The following THUMPD2 variants were observed in gnomAD, a reference collection of about 807,000 sequenced individuals.
THUMPD2 encodes U6 snRNA (guanine-N(2))-methyltransferase THUMPD2.
In THUMPD2, 56 loss-of-function variants were observed where a neutral mutation model predicts 49.4. That is an observed-to-expected ratio of 1.13 (90% CI 0.91 to 1.41). The LOEUF is 1.41. THUMPD2 is among the 40% of genes most tolerant of loss of function. THUMPD2 has a pLI of 0.00. For synonymous variants in THUMPD2, 237 were observed against 205.2 expected (o/e 1.15, Z -1.32); for missense variants, 709 against 594.5 (o/e 1.19, Z -2.00).
intron 9 of THUMPD2, 86 bp downstream of exon 9, chr2:39,744,284 A>G: frequency 5.9e-6 from 4 of 682,594 alleles, no homozygotes; most frequent in Non-Finnish European, 9.2e-6. Flanking sequence ...CTAAAAAGCA[A>G]TCAGACCTTA....
At chr2:39,762,979 C>A (rs993388762) in intron 5 of THUMPD2, among the ~76,000 whole-genome samples, 1 of 151,846 alleles carries the variant, frequency 6.6e-6, no homozygotes, top group African/African-American at 2.4e-5. Context: ...TTTGCTTAAA[C>A]CTGGGCAAAA....
At chr2:39,765,235 T>C (rs1262640641) in intron 5 of THUMPD2, among the ~76,000 whole-genome samples, 2 of 152,154 alleles carry the variant, frequency 1.3e-5, no homozygotes, top group African/African-American at 2.4e-5. Context: ...TTCTGGCTCA[T>C]GGCCACCTCC....
At chr2:39,738,486 C>T (rs1454919408) in intron 9 of THUMPD2, among the ~76,000 whole-genome samples, 1 of 151,928 alleles carries the variant, frequency 6.6e-6, no homozygotes, top group African/African-American at 2.4e-5. Flanking sequence ...ACTGCTTGAG[C>T]CCAGGGGGCA....
chr2:39,778,580 A>G (rs1235816135), intron 1 of THUMPD2, among the ~76,000 whole-genome samples: 1 of 152,238 alleles, frequency 6.6e-6, no homozygotes, highest in East Asian at 1.9e-4. Context: ...TGTTCATTTC[A>G]CAGAAATCAA....
In THUMPD2 at chr2:39,766,983, A is replaced by G. The variant is rs531704797; in HGVS notation, c.751-874T>C. 2.6e-5 allele frequency among the ~76,000 whole-genome samples: 4 copies of G among 152,338 alleles called. No homozygotes were observed. In the South Asian group the frequency reaches 8.3e-4, roughly 32 times the overall value. On this transcript the variant is annotated intron_variant, in intron 4 of 9. Transcript: ENST00000505747. ...TTTCTATTGACAATTTATTCTAAAGATACGACATGTTCATATATCAAATGT... is the reference window on the plus strand; with the variant it reads ...TTTCTATTGACAATTTATTCTAAAGGTACGACATGTTCATATATCAAATGT...
chr2:39,737,843 G>A (rs1262273575), intron 9 of THUMPD2, among the ~76,000 whole-genome samples: 2 of 152,198 alleles, frequency 1.3e-5, no homozygotes. Context: ...AAGCAGCAAA[G>A]ACGGGAGGAA....
intron 1 of THUMPD2, among the ~76,000 whole-genome samples, chr2:39,775,401 G>C (rs563912229): frequency 1.3e-5 from 2 of 152,280 alleles, no homozygotes; most frequent in African/African-American, 4.8e-5. Context: ...TACGTGATGG[G>C]TTAAGGTGTT....
intron 6 of THUMPD2, among the ~76,000 whole-genome samples, chr2:39,760,797 C>T (rs920827269): frequency 2.6e-5 from 4 of 152,122 alleles, no homozygotes; most frequent in African/African-American, 9.7e-5. Flanking sequence ...TATTGATAGT[C>T]ATGAACATGT....
chr2:39,765,192 C>CTCTG (rs536682746), intron 5 of THUMPD2, among the ~76,000 whole-genome samples: 169 of 152,236 alleles, frequency 1.1e-3, no homozygotes, highest in South Asian at 5.4e-3. Context: ...CAGAGTCTCA[C>CTCTG]TCTGTCACCC....
At chr2:39,755,194 G>A in intron 8 of THUMPD2, 101 bp downstream of exon 8, 1 of 760,872 alleles carries the variant, frequency 1.3e-6, no homozygotes, top group South Asian at 2.1e-5. Flanking sequence ...ATATTAAAGG[G>A]TAAAACCAAC....
intron 7 of THUMPD2, 31 bp downstream of exon 7, chr2:39,755,858 A>G: frequency 6.3e-7 from 1 of 1,595,498 alleles, no homozygotes; most frequent in Non-Finnish European, 8.6e-7. Flanking sequence ...AAGTAGATAA[A>G]TTGCTTGCTT....
chr2:39,777,825 T>A (rs1679316649), intron 1 of THUMPD2, among the ~76,000 whole-genome samples: 1 of 152,204 alleles, frequency 6.6e-6, no homozygotes, highest in African/African-American at 2.4e-5. Context: ...CCCCATTTCA[T>A]TTGTCTTTAG....
intron 9 of THUMPD2, among the ~76,000 whole-genome samples, chr2:39,739,490 T>C (rs914134834): frequency 6.6e-6 from 1 of 152,222 alleles, no homozygotes; most frequent in Admixed American, 6.5e-5. Context: ...CAAAACATTT[T>C]GTTTTATGTC....
chr2:39,753,275 G>C (rs1459048434), intron 8 of THUMPD2, among the ~76,000 whole-genome samples: 1 of 152,130 alleles, frequency 6.6e-6, no homozygotes, highest in Non-Finnish European at 1.5e-5. Context: ...GACTTCTGCA[G>C]TCACCAGGCC....
intron 5 of THUMPD2, 22 bp downstream of exon 5, chr2:39,766,035 A>C: frequency 6.4e-7 from 1 of 1,564,274 alleles, no homozygotes; most frequent in Non-Finnish European, 8.6e-7. Context: ...TATGGGACAA[A>C]CCGGAAGCTT....
At chr2:39,753,433 C>G (rs368156757) in intron 8 of THUMPD2, among the ~76,000 whole-genome samples, 8 of 152,222 alleles carry the variant, frequency 5.3e-5, no homozygotes, top group African/African-American at 1.9e-4. Flanking sequence ...GGTTCAGTCC[C>G]CTTTCCCTTC....
At position 39,745,415 on chromosome 2, in the gene THUMPD2, A is replaced by G. The variant is rs138277646; in HGVS notation, c.1079-937T>C. Among the ~76,000 whole-genome samples, 360 of 152,284 alleles carry G rather than the reference A, an allele frequency of 2.4e-3. 2 individuals carry two copies. The highest frequency in any genetic ancestry group is 8.4e-3 in the African/African-American group (347 of 41,548). On this transcript the variant is annotated intron_variant, in intron 8 of 9. Coordinates refer to ENST00000505747, the MANE Select transcript of THUMPD2 (RefSeq NM_025264.5). ...AGTAGATTGTTCGAAAAAAAGAAGG[A>G]TAATATTCTTTTAAGCTGAGACAGG...
At chr2:39,769,111 T>C (rs919912406) in intron 3 of THUMPD2, 18 of 1,302,536 alleles carry the variant, frequency 1.4e-5, no homozygotes, top group Non-Finnish European at 1.7e-5. Flanking sequence ...GAGTAGCCAC[T>C]GAATAAGCAC....
At position 39,736,546 on chromosome 2, in the gene THUMPD2, C is replaced by A; in HGVS notation, c.*189G>T. 4.4e-6 allele frequency: 2 copies of A among 454,904 alleles called. No homozygotes were observed. The highest frequency in any genetic ancestry group is 3.3e-5 in the East Asian group (1 of 30,582). 28.2% of individuals were successfully genotyped at this position (454,904 alleles called of 1,614,324 possible). ...TATTCGATAACTTTTTTCTCAAAAA[C>A]ATTAAGTACTTTAGAATATAAAGCA... On this transcript the variant is annotated 3_prime_UTR_variant, in exon 10 of 10. Coordinates refer to ENST00000505747, the MANE Select transcript of THUMPD2 (RefSeq NM_025264.5).
Sources: gnomAD v4.1 joint callset for allele counts (sites outside exome capture counted in the v4.1 genomes callset) on GRCh38, gnomAD v4.1.1 for gene constraint, MANE v1.5 for transcripts, NCBI Gene and HGNC (gene_info 2026-07-23, HGNC 2026-07-21) for gene names.